SCML2: variants seen among roughly 807,000 people sequenced by gnomAD.
SCML2 encodes Scm polycomb group protein like 2.
SCML2 carries 6 observed loss-of-function variants against 48.4 expected under a neutral mutation model. The observed-to-expected ratio is 0.12, with a 90% CI of 0.07 to 0.24. The LOEUF is 0.24. SCML2 is among the 10% of genes least tolerant of loss of function. SCML2 has a pLI of 1.00. For synonymous variants in SCML2, 181 were observed against 189.5 expected, an observed-to-expected ratio of 0.95 and a Z score of 0.37; for missense variants, 377 against 528.2, an observed-to-expected ratio of 0.71 and a Z score of 2.81.
chrX:18,260,980 T>C (rs767655617), intron 8 of SCML2, among the ~76,000 whole-genome samples: 2 of 109,288 alleles, frequency 1.8e-5, no homozygotes, highest in South Asian at 7.6e-4. Flanking sequence ...CTCCTGTGCA[T>C]AGAAAAGGTA....
chrX:18,273,550 A>G (rs1287670740), intron 7 of SCML2, among the ~76,000 whole-genome samples: 2 of 111,623 alleles, frequency 1.8e-5, no homozygotes, highest in Non-Finnish European at 3.8e-5. Flanking sequence ...TGTCTAGCCA[A>G]GCCTACCTCC....
chrX:18,314,608 C>G (rs1295500787), intron 6 of SCML2, among the ~76,000 whole-genome samples: 1 of 111,999 alleles, frequency 8.9e-6, no homozygotes, highest in Non-Finnish European at 1.9e-5. Flanking sequence ...TATTTATCTT[C>G]CTGTATTCTT....
intron 7 of SCML2, among the ~76,000 whole-genome samples, chrX:18,298,691 T>C (rs1165865555): frequency 9.0e-6 from 1 of 110,592 alleles, no homozygotes; most frequent in African/African-American, 3.3e-5. Flanking sequence ...ACCCCGTCTC[T>C]AACTGATGGG....
At chrX:18,275,653 T>C (rs930033549) in intron 7 of SCML2, among the ~76,000 whole-genome samples, 7 of 112,403 alleles carry the variant, frequency 6.2e-5, no homozygotes, top group Admixed American at 9.4e-5. Flanking sequence ...ATCCAATAAA[T>C]GTTTGCTGAT....
intron 1 of SCML2, among the ~76,000 whole-genome samples, chrX:18,339,411 T>C (rs1189515159): frequency 2.7e-5 from 3 of 112,112 alleles, no homozygotes; most frequent in Non-Finnish European, 5.6e-5. Flanking sequence ...TAGGTGAGTA[T>C]TGAAAATAGC....
At chrX:18,318,823 T>C (rs1929215396) in intron 6 of SCML2, among the ~76,000 whole-genome samples, 2 of 112,021 alleles carry the variant, frequency 1.8e-5, no homozygotes, top group African/African-American at 6.5e-5. Context: ...GTTATTGTAA[T>C]TGAGACTTTT....
In SCML2 at chrX:18,260,247, T is replaced by C. The variant is rs747220558; in HGVS notation, c.993A>G (p.Leu331=). The stretch of plus-strand genomic sequence containing the variant: ...TGCCACGGTCTCTGGTCAGCGATTT[T>C]AGAGAAGCTGCAGATGTAGAACATA... The part of the protein sequence containing the change: ...PVICSTSAAS[L]KSLTRDRGML... Residue 331 remains leucine (L), a synonymous_variant, in exon 9 of 15, where the codon CTA becomes CTG. Coordinates refer to ENST00000251900, the MANE Select transcript of SCML2 (RefSeq NM_006089.3). 4.2e-6 allele frequency: 5 copies of C among 1,204,485 alleles called. No homozygotes were observed. The highest frequency in any genetic ancestry group is 2.2e-6 in the Non-Finnish European group (2 of 891,758).
At chrX:18,312,141 C>A (rs1928971089) in intron 6 of SCML2, among the ~76,000 whole-genome samples, 1 of 111,851 alleles carries the variant, frequency 8.9e-6, no homozygotes, top group South Asian at 3.7e-4. Context: ...TGATGATAGC[C>A]TGTAAAGTTA....
intron 8 of SCML2, among the ~76,000 whole-genome samples, chrX:18,263,265 C>A (rs745792381): frequency 9.0e-6 from 1 of 110,753 alleles, no homozygotes; most frequent in East Asian, 2.8e-4. Context: ...GATATAGGAT[C>A]CATATCCCCC....
chrX:18,316,728 C>T (rs1226260718), intron 6 of SCML2, among the ~76,000 whole-genome samples: 2 of 111,900 alleles, frequency 1.8e-5, no homozygotes, highest in Non-Finnish European at 1.9e-5. Context: ...GAGCAGCAGG[C>T]AAGCAAGCAA....
intron 7 of SCML2, among the ~76,000 whole-genome samples, chrX:18,300,774 G>C (rs1342488801): frequency 9.5e-6 from 1 of 105,711 alleles, no homozygotes; most frequent in Non-Finnish European, 1.9e-5. Context: ...CTGGGCAATG[G>C]AGCAAGACTC....
intron 7 of SCML2, among the ~76,000 whole-genome samples, chrX:18,274,475 G>T (rs1420074653): frequency 2.7e-5 from 3 of 112,196 alleles, no homozygotes; most frequent in Admixed American, 9.4e-5. Context: ...ATTCCAGGCT[G>T]CCCTTTCTGA....
At chrX:18,281,424 ACTTTGGG>A (rs1291507416) in intron 7 of SCML2, among the ~76,000 whole-genome samples, 1 of 112,146 alleles carries the variant, frequency 8.9e-6, no homozygotes. Flanking sequence ...TAAAAATCTA[ACTTTGGG>A]CCAAGCACAG....
chrX:18,348,665 C>CT (rs1930278114), intron 1 of SCML2, among the ~76,000 whole-genome samples: 1 of 111,499 alleles, frequency 9.0e-6, no homozygotes, highest in African/African-American at 3.3e-5. Context: ...TTATGAAACT[C>CT]TATCAAGTTA....
intron 3 of SCML2, among the ~76,000 whole-genome samples, chrX:18,328,149 T>A (rs1929544878): frequency 9.0e-6 from 1 of 111,511 alleles, no homozygotes. Flanking sequence ...AGCTCCAACA[T>A]CTTTTTGTAC....
intron 11 of SCML2, among the ~76,000 whole-genome samples, chrX:18,254,169 C>A (rs1321113221): frequency 8.9e-6 from 1 of 112,195 alleles, no homozygotes; most frequent in Non-Finnish European, 1.9e-5. Flanking sequence ...AGTAAAATGT[C>A]TTCAAAATTA....
At chrX:18,305,582 T>C (rs761267885) in intron 6 of SCML2, among the ~76,000 whole-genome samples, 2 of 111,581 alleles carry the variant, frequency 1.8e-5, no homozygotes, top group Non-Finnish European at 3.8e-5. Flanking sequence ...ATAGTAGTGG[T>C]TGCGGACAGG....
chrX:18,265,330 C>T (rs1318383874), intron 8 of SCML2, among the ~76,000 whole-genome samples: 1 of 112,181 alleles, frequency 8.9e-6, no homozygotes, highest in Non-Finnish European at 1.9e-5. Flanking sequence ...CTAGTCTGAA[C>T]ATAAATACAC....
chrX:18,242,707 C>A (rs904045612), intron 13 of SCML2, 117 bp from the exon 14 acceptor site: 6 of 732,694 alleles, frequency 8.2e-6, no homozygotes, highest in South Asian at 3.0e-5. Flanking sequence ...AGTTCCCCAA[C>A]AAGGTCTCAA....
Sources: gnomAD v4.1 joint callset for allele counts (sites outside exome capture counted in the v4.1 genomes callset) on GRCh38, gnomAD v4.1.1 for gene constraint, MANE v1.5 for transcripts, NCBI Gene and HGNC (gene_info 2026-07-23, HGNC 2026-07-21) for gene names.